NBEAL2: variants seen among roughly 807,000 people sequenced by gnomAD.
NBEAL2 encodes neurobeachin-like protein 2.
In NBEAL2, 160 loss-of-function variants were observed where a neutral mutation model predicts 299.8. The observed-to-expected ratio is 0.53, with a 90% CI of 0.47 to 0.61. The LOEUF (loss-of-function observed/expected upper bound fraction) is 0.61, where lower values mean the gene tolerates loss of function less well. Among genes scored for constraint, NBEAL2 ranks in the 20% least tolerant of loss-of-function variants. The pLI, the probability that NBEAL2 is intolerant of heterozygous loss-of-function variation, is 0.00. For synonymous variants in NBEAL2, 1,493 were observed against 1,542.3 expected (o/e 0.97, Z 0.75); for missense variants, 3,112 against 3,649.0 (o/e 0.85, Z 3.79).
rs757764156 is a variant in NBEAL2 at position 46,991,857 on chromosome 3, C to T, written c.943C>T (p.Leu315=). ...VSMLDAIPMM[L]ACEDRPVLQA... is the part of the protein sequence containing the mutation. ...TTCCACAGACGCCATCCCCATGATG[C>T]TGGCATGTGAAGACCGGCCAGTGCT... is the stretch of plus-strand genomic sequence containing the variant. The change falls in exon 9 of 54, where the codon CTG becomes TTG. Residue 315 remains leucine (L), a synonymous_variant. Coordinates refer to ENST00000450053, the MANE Select transcript of NBEAL2 (RefSeq NM_015175.3). The surrounding 1 kb of genome is among the most constrained non-coding windows in gnomAD (Gnocchi z 6.2). The T allele has an allele frequency of 6.3e-7, 1 of 1,599,650 alleles. No individual in the cohort carries two copies. The highest frequency in any genetic ancestry group is 8.5e-7 in the Non-Finnish European group (1 of 1,173,308).
At chr3:46,980,016 A>G (rs1401734028) in intron 1 of NBEAL2, 104 bp downstream of exon 1, 1 of 29,596 alleles carries the variant, frequency 3.4e-5, no homozygotes, top group Non-Finnish European at 1.0e-4. Context: ...GGGGCCGCGT[A>G]GCCGCGCGCG....
At chr3:46,995,668 A>C in intron 13 of NBEAL2, 35 bp downstream of exon 13, 2 of 1,609,262 alleles carry the variant, frequency 1.2e-6, no homozygotes, top group Non-Finnish European at 1.7e-6. Flanking sequence ...ACCTCCTGCC[A>C]GGGTGAGCAG....
In NBEAL2 at chr3:47,004,871, G is replaced by A; in HGVS notation, c.6295-101G>A. The A allele has an allele frequency of 6.6e-7, 1 of 1,507,774 alleles. No individual in the cohort carries two copies. The highest frequency in any genetic ancestry group is 2.5e-5 in the East Asian group (1 of 40,690). 93.4% of individuals were successfully genotyped at this position (1,507,774 alleles called of 1,614,324 possible). A position where few individuals can be genotyped will look rare whatever the true frequency, so the allele number is the denominator to read the frequency against. The stretch of plus-strand genomic sequence containing the variant: ...TCTAAGTGGTGCTCCCCCAACCTGT[G>A]GGCAGGCTCTGTGCCCGCCTTCTTG... On this transcript the variant is annotated intron_variant, in intron 38 of 53. Coordinates refer to ENST00000450053, the MANE Select transcript of NBEAL2 (RefSeq NM_015175.3). The surrounding 1 kb of genome is among the most constrained non-coding windows in gnomAD (Gnocchi z 5.0).
chr3:47,006,198 G>A lies in NBEAL2; in HGVS notation c.6953G>A (p.Arg2318Gln), dbSNP rs542464679. The A allele has an allele frequency of 2.8e-5, 45 of 1,613,912 alleles. No individual in the cohort carries two copies. In the Admixed American group the frequency reaches 3.2e-4, roughly 11 times the overall value. The change falls in exon 44 of 54, where the codon CGG becomes CAG. Residue 2318 changes from arginine to glutamine, a missense_variant. By Grantham distance (43) the Arg-to-Gln change is conservative. Around this residue, in one of 3 missense-constraint regions of NBEAL2, gnomAD observed 521 missense variants for 729.6 expected, o/e 0.71. Transcript: ENST00000450053. ...GACCTGGACCATGTGACAGATGAGC[G>A]GGAACGGAAGGCTCTGGAGGGCATT... is the stretch of plus-strand genomic sequence containing the variant. ...AVDLDHVTDERERKALEGIIS... is the reference protein window; with the variant it reads ...AVDLDHVTDEQERKALEGIIS...
rs2035947100 is a variant in NBEAL2 at position 46,989,671 on chromosome 3, A to G, written c.556+78A>G. The stretch of plus-strand genomic sequence containing the variant: ...TCCTGTCGTTCCTTGATCCTGCCAT[A>G]CACAGGAACCACTTGGTGGTGGCTG... On this transcript the variant is annotated intron_variant, in intron 6 of 53. Transcript: ENST00000450053. This position sits in a 1 kb window ranked among gnomAD's most constrained non-coding sequence, Gnocchi z 5.5. The G allele has an allele frequency of 7.7e-7, 1 of 1,292,754 alleles. No homozygotes were observed. Among genetic ancestry groups the G allele is most frequent in the Non-Finnish European group, 1.1e-6 (1 of 912,876 alleles). 80.1% of individuals were successfully genotyped at this position (1,292,754 alleles called of 1,614,324 possible).
intron 41 of NBEAL2, 59 bp downstream of exon 41, chr3:47,005,678 G>A: frequency 1.3e-6 from 2 of 1,564,342 alleles, no homozygotes; most frequent in Admixed American, 3.6e-5. Context: ...GCAGATGGTG[G>A]AGTGGCCAGG....
chr3:46,996,806 C>G lies in NBEAL2; in HGVS notation c.2529C>G (p.Thr843=), dbSNP rs774123346. ...AGGGGGAGCTGCATGAGCTCAGCAC[C>G]AGGCTGCTCCTCCATTACTCACCTC... ...KPEGELHELS[T]RLLLHYSPQA... Residue 843 remains threonine, a synonymous_variant, in exon 17 of 54, where the codon ACC becomes ACG. Coordinates refer to ENST00000450053, the MANE Select transcript of NBEAL2 (RefSeq NM_015175.3). The G allele has an allele frequency of 4.2e-5, 67 of 1,612,574 alleles. No individual in the cohort carries two copies. Among genetic ancestry groups the G allele is most frequent in the Non-Finnish European group, 5.0e-5 (59 of 1,179,820 alleles).
At position 46,999,051 on chromosome 3, in the gene NBEAL2, C is replaced by T. The variant is rs750282723; in HGVS notation, c.3477C>T (p.Leu1159=). Residue 1159 remains leucine, a synonymous_variant, in exon 24 of 54, where the codon CTC becomes CTT. Coordinates refer to ENST00000450053, the MANE Select transcript of NBEAL2 (RefSeq NM_015175.3). ...TCTTTCTGTTGGAGCCAGGGAACCTCGAAGTGCTACTGGCCCTGCTAGTGC... is the reference window on the plus strand; with the variant it reads ...TCTTTCTGTTGGAGCCAGGGAACCTTGAAGTGCTACTGGCCCTGCTAGTGC... ...LAVFLLEPGN[L]EVLLALLVRP... 3.8e-6 allele frequency: 6 copies of T among 1,596,528 alleles called. No homozygotes were observed. Among genetic ancestry groups the T allele is most frequent in the South Asian group, 1.1e-5 (1 of 88,050 alleles).
chr3:47,009,133 G>C lies in NBEAL2; in HGVS notation c.8163+9G>C. On this transcript the variant is annotated intron_variant, in intron 53 of 53. Coordinates refer to ENST00000450053, the MANE Select transcript of NBEAL2 (RefSeq NM_015175.3). ...CGGGGCAGCCCTCTGAGGTGAGGAT[G>C]GGGCGGGGGTGGGGAGGCCCCTCGA... The C allele has an allele frequency of 6.4e-7, 1 of 1,561,918 alleles. No individual in the cohort carries two copies. The highest frequency in any genetic ancestry group is 8.6e-7 in the Non-Finnish European group (1 of 1,157,136).
chr3:47,003,154 G>A lies in NBEAL2; in HGVS notation c.5585-20G>A, dbSNP rs554435946. The stretch of plus-strand genomic sequence containing the variant: ...TCCTGTCCTGCCTTGCTTCTGCTGA[G>A]TACCCTTGGCCCCTTGCAGGTGAGG... On this transcript the variant is annotated intron_variant, in intron 34 of 53. Coordinates refer to ENST00000450053, the MANE Select transcript of NBEAL2 (RefSeq NM_015175.3). This position sits in a 1 kb window ranked among gnomAD's most constrained non-coding sequence, Gnocchi z 7.0. The A allele has an allele frequency of 6.2e-7, 1 of 1,607,128 alleles. No individual in the cohort carries two copies. The highest frequency in any genetic ancestry group is 1.7e-5 in the Admixed American group (1 of 59,812).
chr3:46,996,794 T>C lies in NBEAL2; in HGVS notation c.2517T>C (p.His839=). ...CCTTCAAGCCTGAGGGGGAGCTGCA[T>C]GAGCTCAGCACCAGGCTGCTCCTCC... ...TAPFKPEGEL[H]ELSTRLLLHY... The change falls in exon 17 of 54, where the codon CAT becomes CAC. Residue 839 remains histidine (H), a synonymous_variant. Transcript: ENST00000450053. 6.2e-7 allele frequency: 1 copy of C among 1,612,556 alleles called. No individual in the cohort carries two copies. Among genetic ancestry groups the C allele is most frequent in the Non-Finnish European group, 8.5e-7 (1 of 1,179,722 alleles).
At chr3:46,994,601 A>G (rs895397502) in intron 12 of NBEAL2, 48 bp downstream of exon 12, 6 of 1,482,468 alleles carry the variant, frequency 4.0e-6, no homozygotes, top group African/African-American at 2.8e-5. Context: ...ACCAGAACTG[A>G]GTCAGGGTTA....
chr3:47,009,130 G>A lies in NBEAL2; in HGVS notation c.8163+6G>A. 6.4e-7 allele frequency: 1 copy of A among 1,559,612 alleles called. No homozygotes were observed. Among genetic ancestry groups the A allele is most frequent in the Non-Finnish European group, 8.7e-7 (1 of 1,155,438 alleles). Reference sequence around the variant, plus strand: ...TCGCGGGGCAGCCCTCTGAGGTGAGGATGGGGCGGGGGTGGGGAGGCCCCT... The same window carrying A: ...TCGCGGGGCAGCCCTCTGAGGTGAGAATGGGGCGGGGGTGGGGAGGCCCCT... On this transcript the variant is annotated splice_donor_region_variant and intron_variant, in intron 53 of 53. Transcript: ENST00000450053.
chr3:47,002,340 G>T, intron 31 of NBEAL2, 31 bp from the exon 32 acceptor site: 2 of 1,608,992 alleles, frequency 1.2e-6, no homozygotes, highest in South Asian at 1.1e-5. Flanking sequence ...GGCCCACATC[G>T]AGCACTGTTC....
At chr3:47,007,971 C>T in intron 49 of NBEAL2, 61 bp downstream of exon 49, 1 of 1,581,582 alleles carries the variant, frequency 6.3e-7, no homozygotes, top group South Asian at 1.1e-5. Context: ...CCATCCGTCC[C>T]TCAGTGGCCT....
Position 47,003,597 on chromosome 3 carries a change from C to G in NBEAL2, c.5721-219C>G, listed in dbSNP as rs2037194385. 6.6e-6 allele frequency among the ~76,000 whole-genome samples: 1 copy of G among 152,176 alleles called. No individual in the cohort carries two copies. The highest frequency in any genetic ancestry group is 1.5e-5 in the Non-Finnish European group (1 of 68,010). ...GGGGCTGGGTGAGGGGAGCAGGGGA[C>G]AAGGGTTGGCATCCTGGCAAAATAT... On this transcript the variant is annotated intron_variant, in intron 35 of 53. Coordinates refer to ENST00000450053, the MANE Select transcript of NBEAL2 (RefSeq NM_015175.3). This position sits in a 1 kb window ranked among gnomAD's most constrained non-coding sequence, Gnocchi z 7.0.
At position 47,006,248 on chromosome 3, in the gene NBEAL2, T is replaced by C; in HGVS notation, c.7003T>C (p.Cys2335Arg). 6.2e-7 allele frequency: 1 copy of C among 1,613,728 alleles called. No individual in the cohort carries two copies. The highest frequency in any genetic ancestry group is 8.5e-7 in the Non-Finnish European group (1 of 1,179,810). The change falls in exon 44 of 54, where the codon TGT (cysteine) becomes CGT (arginine). Residue 2335 changes from cysteine to arginine, a missense_variant. This residue lies in a region of NBEAL2 where 521 missense variants were observed against 729.6 expected (regional missense o/e 0.71). Transcript: ENST00000450053. ...TATCAGCAACTTTGGGCAGACTCCCTGTCAGCTGCTGAAGGTAAGGCCAGC... is the reference window on the plus strand; with the variant it reads ...TATCAGCAACTTTGGGCAGACTCCCCGTCAGCTGCTGAAGGTAAGGCCAGC... ...GIISNFGQTP[C>R]QLLKEPHPTR...
Position 46,989,316 on chromosome 3 carries a change from A to C in NBEAL2, c.408A>C (p.Leu136=). Residue 136 remains leucine, a synonymous_variant, in exon 5 of 54, where the codon CTA becomes CTC. Coordinates refer to ENST00000450053, the MANE Select transcript of NBEAL2 (RefSeq NM_015175.3). This position sits in a 1 kb window ranked among gnomAD's most constrained non-coding sequence, Gnocchi z 5.5. The part of the protein sequence containing the change: ...GRGTQLENVA[L]HALLLCEGLF... The stretch of plus-strand genomic sequence containing the variant: ...GCACGCAGTTGGAGAATGTGGCCCT[A>C]CATGCTCTGCTTCTCTGCGAGGGCC... 6.2e-7 allele frequency: 1 copy of C among 1,602,096 alleles called. No individual in the cohort carries two copies. The highest frequency in any genetic ancestry group is 1.3e-5 in the African/African-American group (1 of 74,782).
intron 10 of NBEAL2, 150 bp from the exon 11 acceptor site, chr3:46,993,787 A>T: frequency 4.4e-6 from 3 of 688,556 alleles, no homozygotes; most frequent in Non-Finnish European, 7.7e-6. Flanking sequence ...TGGGGCAAGG[A>T]GTAGAAGGCC....
Sources: allele counts gnomAD v4.1 joint callset (sites outside exome capture counted in the v4.1 genomes callset), GRCh38; gene constraint gnomAD v4.1.1; regional missense constraint gnomAD v4.1.1; non-coding constraint Gnocchi (gnomAD v3.1); transcripts MANE v1.5; gene names NCBI Gene and HGNC (gene_info 2026-07-23, HGNC 2026-07-21).